Variants in PSD3 observed in about 807,000 individuals in gnomAD.
PSD3 encodes the protein PH and SEC7 domain-containing protein 3.
PSD3 carries 49 observed loss-of-function variants against 105.5 expected under a neutral mutation model. The observed-to-expected ratio is 0.46, with a 90% confidence interval of 0.37 to 0.59. The LOEUF (loss-of-function observed/expected upper bound fraction) is 0.59, where lower values mean the gene tolerates loss of function less well. Ranked by LOEUF, PSD3 falls within the 20% of genes least tolerant of loss-of-function variation. The probability of loss-of-function intolerance (pLI) is 0.00; values close to 1 mark genes in which losing one functional copy is unlikely to be tolerated. For missense variants in PSD3, 1,561 were observed against 1,263.8 expected, an observed-to-expected ratio of 1.24 and a Z score of -3.57; for synonymous variants, 557 against 457.8, an observed-to-expected ratio of 1.22 and a Z score of -2.77.
intron 1 of PSD3, among the ~76,000 whole-genome samples, chr8:18,938,548 G>C (rs558980491): frequency 6.6e-6 from 1 of 151,380 alleles, no homozygotes; most frequent in East Asian, 2.0e-4. Flanking sequence ...GCTTGAACCT[G>C]GGACGTGGAG....
chr8:18,900,768 T>C (rs1171834341), intron 2 of PSD3, among the ~76,000 whole-genome samples: 1 of 150,616 alleles, frequency 6.6e-6, no homozygotes, highest in Non-Finnish European at 1.5e-5. Context: ...GCCTCCCAAG[T>C]AGCTGAGACT....
At chr8:18,755,477 C>CATAACATAAT (rs1554490360) in intron 9 of PSD3, among the ~76,000 whole-genome samples, 9 of 151,690 alleles carry the variant, frequency 5.9e-5, no homozygotes, top group Non-Finnish European at 1.3e-4. Context: ...CATAACATAA[C>CATAACATAAT]ATAACATAAA....
At chr8:19,028,978 T>C (rs1827663357) in intron 1 of PSD3, among the ~76,000 whole-genome samples, 1 of 152,218 alleles carries the variant, frequency 6.6e-6, no homozygotes, top group Non-Finnish European at 1.5e-5. Context: ...TTGACCATTA[T>C]ATATGTGAAC....
Position 18,896,278 on chromosome 8 carries a change from T to C in PSD3, c.131-23545A>G, listed in dbSNP as rs1235893339. On this transcript the variant is annotated intron_variant, in intron 2 of 15. Transcript: ENST00000327040. Reference sequence around the variant, plus strand: ...ATTGTGAATAGTATTGCAATAAACATGGGAGTGCAGATAGATCTTCAACAT... The same window carrying C: ...ATTGTGAATAGTATTGCAATAAACACGGGAGTGCAGATAGATCTTCAACAT... Among the ~76,000 whole-genome samples the C allele has an allele frequency of 2.6e-5, 4 of 152,314 alleles. No homozygotes were observed. In the East Asian group the frequency reaches 7.7e-4, roughly 29 times the overall value.
At chr8:19,081,863 T>C (rs1003745457) in intron 1 of PSD3, among the ~76,000 whole-genome samples, 1 of 152,216 alleles carries the variant, frequency 6.6e-6, no homozygotes, top group African/African-American at 2.4e-5. Context: ...ACTGTACACG[T>C]GTAGGAATGG....
chr8:18,683,577 C>G (rs1800498523), intron 9 of PSD3, among the ~76,000 whole-genome samples: 1 of 152,184 alleles, frequency 6.6e-6, no homozygotes, highest in South Asian at 2.1e-4. Flanking sequence ...ACAAAACTGA[C>G]CCATGCCACA....
Position 18,800,948 on chromosome 8 carries a change from G to A in PSD3, c.2023+322C>T, listed in dbSNP as rs188208722. 938 of 163,242 alleles carry A rather than the reference G, an allele frequency of 5.7e-3. 8 individuals carry two copies. Among genetic ancestry groups the A allele is most frequent in the Middle Eastern group, 0.035 (12 of 342 alleles). 10.1% of individuals were successfully genotyped at this position (163,242 alleles called of 1,614,324 possible). On this transcript the variant is annotated intron_variant, in intron 7 of 15. Transcript: ENST00000327040. ...ACCATGAACAATTTAAAGAAAGTACGCTGTCACACTAGAGAAGTGGAAAAC... is the reference window on the plus strand; with the variant it reads ...ACCATGAACAATTTAAAGAAAGTACACTGTCACACTAGAGAAGTGGAAAAC...
chr8:18,732,171 C>T (rs745652029), intron 9 of PSD3, among the ~76,000 whole-genome samples: 27 of 151,934 alleles, frequency 1.8e-4, no homozygotes, highest in Non-Finnish European at 3.4e-4. Flanking sequence ...CAACCCTCCT[C>T]CCCCCCGAAA....
At chr8:18,874,145 T>TTTTTATTTTA (rs146118813) in intron 2 of PSD3, among the ~76,000 whole-genome samples, 15 of 151,942 alleles carry the variant, frequency 9.9e-5, no homozygotes, top group African/African-American at 3.6e-4. Flanking sequence ...GTTGTTACCA[T>TTTTTATTTTA]TTTTATTTTA....
intron 9 of PSD3, among the ~76,000 whole-genome samples, chr8:18,751,408 A>C (rs1318542088): frequency 1.3e-5 from 2 of 152,272 alleles, no homozygotes; most frequent in Non-Finnish European, 2.9e-5. Flanking sequence ...CATGACAGAA[A>C]AAGAGAACAA....
At chr8:18,837,807 A>T (rs941365745) in intron 4 of PSD3, among the ~76,000 whole-genome samples, 5 of 152,184 alleles carry the variant, frequency 3.3e-5, no homozygotes, top group Non-Finnish European at 7.3e-5. Context: ...ATATTTAAAA[A>T]AATAAAAGCA....
chr8:18,763,041 C>G (rs1806671993), intron 9 of PSD3: 1 of 560,222 alleles, frequency 1.8e-6, no homozygotes, highest in African/African-American at 1.9e-5. Flanking sequence ...AAACACACAG[C>G]AGACCTTTAA....
intron 9 of PSD3, among the ~76,000 whole-genome samples, chr8:18,678,647 AT>A (rs1800202225): frequency 6.6e-6 from 1 of 152,122 alleles, no homozygotes; most frequent in Non-Finnish European, 1.5e-5. Flanking sequence ...CTCCGTCACT[AT>A]TAAAAATACA....
chr8:18,686,698 T>C (rs1197157138), intron 9 of PSD3, among the ~76,000 whole-genome samples: 28 of 152,052 alleles, frequency 1.8e-4, no homozygotes, highest in Non-Finnish European at 1.5e-4. Context: ...TTCTCACTCT[T>C]CTTATCTTTG....
chr8:18,680,933 A>C (rs147263836), intron 9 of PSD3, among the ~76,000 whole-genome samples: 1 of 152,196 alleles, frequency 6.6e-6, no homozygotes, highest in East Asian at 1.9e-4. Context: ...TTTTTTTCAA[A>C]TGAATATGAA....
chr8:19,010,344 T>G (rs1448481700), intron 1 of PSD3, among the ~76,000 whole-genome samples: 1 of 152,078 alleles, frequency 6.6e-6, no homozygotes, highest in Non-Finnish European at 1.5e-5. Context: ...TTTGTTGACC[T>G]TCTGGGCGCA....
At chr8:19,024,076 G>A (rs985434449) in intron 1 of PSD3, among the ~76,000 whole-genome samples, 2 of 152,142 alleles carry the variant, frequency 1.3e-5, no homozygotes, top group African/African-American at 4.8e-5. Context: ...AATAATTCCT[G>A]TAAACATTTG....
intron 1 of PSD3, among the ~76,000 whole-genome samples, chr8:18,948,143 C>T (rs1432569444): frequency 6.6e-6 from 1 of 152,194 alleles, no homozygotes; most frequent in Admixed American, 6.5e-5. Flanking sequence ...GACTTCATCT[C>T]GCCTTTTCCC....
intron 4 of PSD3, among the ~76,000 whole-genome samples, chr8:18,864,507 A>T (rs896601968): frequency 4.6e-5 from 7 of 152,242 alleles, no homozygotes; most frequent in Admixed American, 3.9e-4. Flanking sequence ...ATACATTAAA[A>T]TCAATATTTA....
Sources: gnomAD v4.1 joint callset for allele counts (sites outside exome capture counted in the v4.1 genomes callset) on GRCh38, gnomAD v4.1.1 for gene constraint, MANE v1.5 for transcripts, NCBI Gene and HGNC (gene_info 2026-07-23, HGNC 2026-07-21) for gene names.